The following TMEM30A variants were observed in gnomAD, a reference collection of about 807,000 sequenced individuals.
TMEM30A encodes cell division cycle 50 P4-ATPase accessory subunit A.
TMEM30A carries 24 observed loss-of-function variants against 38.2 expected under a neutral mutation model. The observed-to-expected ratio is 0.63, with a 90% CI of 0.46 to 0.88. The LOEUF (loss-of-function observed/expected upper bound fraction) is 0.88, where lower values mean the gene tolerates loss of function less well. TMEM30A is among the 40% of genes least tolerant of loss of function. The pLI, the probability that TMEM30A is intolerant of heterozygous loss-of-function variation, is 0.00. For synonymous variants in TMEM30A, 145 were observed against 161.6 expected (o/e 0.90, Z 0.78); for missense variants, 370 against 458.6 (o/e 0.81, Z 1.77).
At chr6:75,258,001 C>T (rs1737139969) in intron 6 of TMEM30A, among the ~76,000 whole-genome samples, 1 of 152,180 alleles carries the variant, frequency 6.6e-6, no homozygotes, top group African/African-American at 2.4e-5. Context: ...AAGACTGCAT[C>T]TATGCAGATA....
chr6:75,273,313 A>T (rs1480200528), intron 1 of TMEM30A, among the ~76,000 whole-genome samples: 1 of 152,182 alleles, frequency 6.6e-6, no homozygotes, highest in East Asian at 1.9e-4. Context: ...ACAGATAGGA[A>T]ATAGGACTTT....
chr6:75,282,258 G>A (rs1772370666), intron 1 of TMEM30A, among the ~76,000 whole-genome samples: 1 of 152,148 alleles, frequency 6.6e-6, no homozygotes, highest in Admixed American at 6.5e-5. Context: ...TGACTCTTCA[G>A]TGCCCTTTTA....
At chr6:75,284,076 A>C in intron 1 of TMEM30A, 3 of 362,258 alleles carry the variant, frequency 8.3e-6, no homozygotes, top group South Asian at 2.3e-5. Context: ...ACCCCCACTA[A>C]TCCCCCACGG....
intron 3 of TMEM30A, among the ~76,000 whole-genome samples, chr6:75,263,259 A>G (rs550570506): frequency 1.2e-3 from 183 of 152,348 alleles, no homozygotes; most frequent in Non-Finnish European, 2.3e-3. Context: ...TAGCTGGAGC[A>G]TGCCAAGAGG....
intron 6 of TMEM30A, among the ~76,000 whole-genome samples, chr6:75,257,693 G>T (rs1175806723): frequency 6.6e-6 from 1 of 152,078 alleles, no homozygotes; most frequent in Non-Finnish European, 1.5e-5. Context: ...GCCATAGCAG[G>T]CCATATTTAC....
At position 75,266,890 on chromosome 6, in the gene TMEM30A, T is replaced by C. The variant is rs150067882; in HGVS notation, c.345+751A>G. Among the ~76,000 whole-genome samples, 726 of 152,314 alleles carry C rather than the reference T, an allele frequency of 4.8e-3. 5 individuals carry two copies. Among genetic ancestry groups the C allele is most frequent in the African/African-American group, 0.017 (702 of 41,564 alleles). ...AGCATGATCCTGTCCTTTATGTCAG[T>C]GCAAGAGCATCTATAACCACTAGAT... On this transcript the variant is annotated intron_variant, in intron 2 of 6. Coordinates refer to ENST00000230461, the MANE Select transcript of TMEM30A (RefSeq NM_018247.4).
At chr6:75,266,727 C>T (rs1218152821) in intron 2 of TMEM30A, among the ~76,000 whole-genome samples, 1 of 152,172 alleles carries the variant, frequency 6.6e-6, no homozygotes, top group East Asian at 1.9e-4. Flanking sequence ...TTTATTGTAT[C>T]TTTATTGTCT....
chr6:75,257,827 C>G (rs1771889224), intron 6 of TMEM30A, among the ~76,000 whole-genome samples: 1 of 152,176 alleles, frequency 6.6e-6, no homozygotes, highest in Non-Finnish European at 1.5e-5. Flanking sequence ...GATTATGACT[C>G]ATTTGGATTA....
At chr6:75,265,093 T>A in intron 3 of TMEM30A, 138 bp downstream of exon 3, 1 of 509,522 alleles carries the variant, frequency 2.0e-6, no homozygotes. Flanking sequence ...TGAGACTCCA[T>A]CTCGGGGGGA....
intron 3 of TMEM30A, 134 bp downstream of exon 3, chr6:75,265,097 G>A (rs1234812289): frequency 1.5e-5 from 8 of 516,630 alleles, no homozygotes; most frequent in South Asian, 6.5e-5. Context: ...ACTCCATCTC[G>A]GGGGGAAAAA....
chr6:75,264,987 C>T (rs1370632101), intron 3 of TMEM30A, among the ~76,000 whole-genome samples: 1 of 151,568 alleles, frequency 6.6e-6, no homozygotes, highest in Non-Finnish European at 1.5e-5. Flanking sequence ...GTAATCCCAG[C>T]TACTCGGGAG....
At position 75,255,949 on chromosome 6, in the gene TMEM30A, A is replaced by C; in HGVS notation, c.*153T>G. On this transcript the variant is annotated 3_prime_UTR_variant, in exon 7 of 7. Transcript: ENST00000230461. ...TCATATATTTTTAGAAGTCATCCGT[A>C]GGGAAGAAGCAAACAACAAAGACTG... 1.8e-6 allele frequency: 1 copy of C among 557,174 alleles called. No individual in the cohort carries two copies. Among genetic ancestry groups the C allele is most frequent in the East Asian group, 2.9e-5 (1 of 34,484 alleles). 34.5% of individuals were successfully genotyped at this position (557,174 alleles called of 1,614,324 possible).
rs1771826247 is a variant in TMEM30A at position 75,253,956 on chromosome 6, A to T, written c.*2146T>A. 2 of 152,152 alleles carry T rather than the reference A, an allele frequency of 1.3e-5. No individual in the cohort carries two copies. The highest frequency in any genetic ancestry group is 4.8e-5 in the African/African-American group (2 of 41,446). The allele number at this position is 152,152 out of a possible 1,614,324, so 9.4% of individuals were successfully genotyped here. A position where few individuals can be genotyped will look rare whatever the true frequency, so the allele number is the denominator to read the frequency against. On this transcript the variant is annotated 3_prime_UTR_variant, in exon 7 of 7. Coordinates refer to ENST00000230461, the MANE Select transcript of TMEM30A (RefSeq NM_018247.4). ...TTAAAATGCAACACAATTCTTTGAA[A>T]GGAGACTATGACATTTGAGCATAAA... is the stretch of plus-strand genomic sequence containing the variant.
rs780447017 is a variant in TMEM30A, at chr6:75,267,655, C to G, written c.331G>C (p.Glu111Gln). 1.2e-6 allele frequency: 2 copies of G among 1,609,652 alleles called. No homozygotes were observed. Among genetic ancestry groups the G allele is most frequent in the Non-Finnish European group, 1.7e-6 (2 of 1,177,732 alleles). The stretch of plus-strand genomic sequence containing the variant: ...GAAACACAGACCTCAAATGACTTTT[C>G]CAGTGTGAAGTTAATGGTACAAAAG... ...PCFCTINFTLEKSFEGNVFMY... is the reference protein window; with the variant it reads ...PCFCTINFTLQKSFEGNVFMY... The change falls in exon 2 of 7, where the codon GAA (glutamate) becomes CAA (glutamine). Residue 111 changes from glutamate to glutamine, a missense_variant. Coordinates refer to ENST00000230461, the MANE Select transcript of TMEM30A (RefSeq NM_018247.4).
chr6:75,266,598 T>G (rs997535542), intron 2 of TMEM30A, among the ~76,000 whole-genome samples: 1 of 152,222 alleles, frequency 6.6e-6, no homozygotes. Context: ...TGAGGTTGAC[T>G]GCCTTTGCAA....
At position 75,284,345 on chromosome 6, in the gene TMEM30A, C is replaced by A. The variant is rs1279199401; in HGVS notation, c.237+57G>T. On this transcript the variant is annotated intron_variant, in intron 1 of 6. Transcript: ENST00000230461. ...GGCGCTGGGAAAGAAGTGGAGTGGG[C>A]GCGTAGGACCCTCCTCCCGAGCAAC... 4 of 1,522,448 alleles carry A rather than the reference C, an allele frequency of 2.6e-6. No homozygotes were observed. In the East Asian group the frequency reaches 9.0e-5, roughly 34 times the overall value. 94.3% of individuals were successfully genotyped at this position (1,522,448 alleles called of 1,614,324 possible).
intron 1 of TMEM30A, among the ~76,000 whole-genome samples, chr6:75,280,748 A>G (rs1582288061): frequency 6.6e-6 from 1 of 152,272 alleles, no homozygotes; most frequent in East Asian, 1.9e-4. Context: ...AAGTAACTAA[A>G]ATCAACTTGA....
rs200967486 is a variant in TMEM30A, at chr6:75,267,707, T to G, written c.279A>C (p.Lys93Asn). The G allele has an allele frequency of 6.2e-7, 1 of 1,611,568 alleles. No homozygotes were observed. The highest frequency in any genetic ancestry group is 8.5e-7 in the Non-Finnish European group (1 of 1,178,890). Residue 93 changes from lysine to asparagine, a missense_variant, in exon 2 of 7, where the codon AAA becomes AAC. Coordinates refer to ENST00000230461, the MANE Select transcript of TMEM30A (RefSeq NM_018247.4). ...AAGGTGTCACATCCGGAGATAAACATTTATTACAGGGACTGGAAGGCTCTG... is the reference window on the plus strand; with the variant it reads ...AAGGTGTCACATCCGGAGATAAACAGTTATTACAGGGACTGGAAGGCTCTG... ...TGTEPSSPCN[K>N]CLSPDVTPCF...
intron 1 of TMEM30A, 97 bp from the exon 2 acceptor site, chr6:75,267,845 T>C (rs1772095311): frequency 8.2e-6 from 6 of 728,756 alleles, no homozygotes; most frequent in Non-Finnish European, 1.3e-5. Flanking sequence ...TTAAGTCCAA[T>C]GAAATGACCT....
Sources: allele counts gnomAD v4.1 joint callset (sites outside exome capture counted in the v4.1 genomes callset), GRCh38; gene constraint gnomAD v4.1.1; transcripts MANE v1.5; gene names NCBI Gene and HGNC (gene_info 2026-07-23, HGNC 2026-07-21).